Variants in SLC25A33 observed in about 807,000 individuals in gnomAD.
SLC25A33 encodes solute carrier family 25 member 33.
In SLC25A33, 15 loss-of-function variants were observed where a neutral mutation model predicts 35.5. The ratio of observed to expected loss-of-function variants is 0.42; its 90% confidence interval spans 0.28 to 0.65. SLC25A33 has a LOEUF of 0.65. SLC25A33 is among the 30% of genes least tolerant of loss of function. The probability of loss-of-function intolerance (pLI) is 0.20; values close to 1 mark genes in which losing one functional copy is unlikely to be tolerated. For missense variants in SLC25A33, 257 were observed against 398.5 expected (o/e 0.64, Z 3.02); for synonymous variants, 136 against 148.7 (o/e 0.91, Z 0.62).
At chr1:9,576,489 G>A in intron 5 of SLC25A33, 1 of 481,344 alleles carries the variant, frequency 2.1e-6, no homozygotes, top group Non-Finnish European at 4.1e-6. Context: ...TTACCCTGAA[G>A]AGATGCACAG....
intron 3 of SLC25A33, among the ~76,000 whole-genome samples, chr1:9,568,879 A>G (rs2100401414): frequency 6.6e-6 from 1 of 151,958 alleles, no homozygotes; most frequent in East Asian, 1.9e-4. Flanking sequence ...TCTTACAACA[A>G]AAATGAGAAT....
chr1:9,550,012 T>TATATA (rs55887722), intron 1 of SLC25A33, among the ~76,000 whole-genome samples: 15 of 33,816 alleles, frequency 4.4e-4, no homozygotes, highest in African/African-American at 1.1e-3. Flanking sequence ...TATATATATA[T>TATATA]TTTTTTTTTT....
chr1:9,551,694 A>T (rs1402612544), intron 1 of SLC25A33, among the ~76,000 whole-genome samples: 1 of 152,048 alleles, frequency 6.6e-6, no homozygotes, highest in Non-Finnish European at 1.5e-5. Context: ...AATGAGAAAG[A>T]CTTTTTTTTT....
intron 2 of SLC25A33, among the ~76,000 whole-genome samples, chr1:9,561,920 G>A (rs867843863): frequency 1.4e-4 from 21 of 152,038 alleles, no homozygotes; most frequent in South Asian, 2.1e-4. Flanking sequence ...CAGACAGCTC[G>A]ATCGTTTAAA....
intron 1 of SLC25A33, among the ~76,000 whole-genome samples, chr1:9,539,961 C>G (rs1481999719): frequency 1.3e-5 from 2 of 152,128 alleles, no homozygotes; most frequent in Admixed American, 6.5e-5. Flanking sequence ...ACCGCAGCCC[C>G]GAGGGCGGCT....
chr1:9,539,985 C>G (rs1453819750), intron 1 of SLC25A33, among the ~76,000 whole-genome samples: 1 of 152,174 alleles, frequency 6.6e-6, no homozygotes, highest in African/African-American at 2.4e-5. Context: ...CCCCGCCGCC[C>G]GTCCTCCCCG....
intron 2 of SLC25A33, among the ~76,000 whole-genome samples, chr1:9,562,641 G>C (rs1264073160): frequency 6.6e-6 from 1 of 152,036 alleles, no homozygotes; most frequent in Non-Finnish European, 1.5e-5. Context: ...GATCACTTGA[G>C]GTAGGGAGTT....
At position 9,582,136 on chromosome 1, in the gene SLC25A33, A is replaced by ATGG. The variant is rs1257501871; in HGVS notation, c.764-163_764-162insTGG. Among the ~76,000 whole-genome samples, 1 of 151,780 alleles carries ATGG rather than the reference A, an allele frequency of 6.6e-6. No individual in the cohort carries two copies. On this transcript the variant is annotated intron_variant, in intron 6 of 6. Coordinates refer to ENST00000302692, the MANE Select transcript of SLC25A33 (RefSeq NM_032315.3). This position sits in a 1 kb window ranked among gnomAD's most constrained non-coding sequence, Gnocchi z 4.0. ...ACCATGTTGGCCAGGCTGGTCTCCA[A>ATGG]CTCCTGGCCTCAAGTGATCCACCCG...
Position 9,567,157 on chromosome 1 carries a change from A to ACT in SLC25A33, c.237-127_237-126insCT, listed in dbSNP as rs1315484102. The stretch of plus-strand genomic sequence containing the variant: ...TTCTGTATTGTAACCAAATCAGATA[A>ACT]GAGTCGAGCTTGACATCTCTCAAAC... On this transcript the variant is annotated intron_variant, in intron 2 of 6. Coordinates refer to ENST00000302692, the MANE Select transcript of SLC25A33 (RefSeq NM_032315.3). The ACT allele has an allele frequency of 2.5e-5, 19 of 755,014 alleles. No individual in the cohort carries two copies. The African/African-American group carries it at 3.1e-4, about 12-fold the overall frequency. 46.8% of individuals were successfully genotyped at this position (755,014 alleles called of 1,614,324 possible).
At chr1:9,577,134 A>G (rs1370265419) in intron 5 of SLC25A33, 1 of 480,514 alleles carries the variant, frequency 2.1e-6, no homozygotes, top group African/African-American at 2.0e-5. Flanking sequence ...TTGGGCAGAG[A>G]GAAGGTGAGT....
intron 1 of SLC25A33, among the ~76,000 whole-genome samples, chr1:9,542,717 CTT>C (rs893950178): frequency 1.3e-4 from 20 of 152,224 alleles, no homozygotes; most frequent in African/African-American, 4.1e-4. Flanking sequence ...TCACATTTCT[CTT>C]GTTTATTGCA....
chr1:9,568,272 T>C (rs772363171), intron 3 of SLC25A33, among the ~76,000 whole-genome samples: 6 of 151,596 alleles, frequency 4.0e-5, no homozygotes, highest in South Asian at 2.1e-4. Flanking sequence ...CGAAACCCCA[T>C]CTCTACTAAA....
intron 1 of SLC25A33, among the ~76,000 whole-genome samples, chr1:9,545,944 C>T (rs1421908872): frequency 2.6e-5 from 4 of 151,330 alleles, no homozygotes; most frequent in African/African-American, 9.7e-5. Context: ...GCCTGGGCAA[C>T]AGAGCGAGAC....
chr1:9,579,193 G>T (rs755094899), intron 5 of SLC25A33, among the ~76,000 whole-genome samples: 1 of 152,200 alleles, frequency 6.6e-6, no homozygotes, highest in Non-Finnish European at 1.5e-5. Flanking sequence ...GTGACCAAAT[G>T]TGTAGGGGGT....
chr1:9,549,245 G>GA (rs1643224853), intron 1 of SLC25A33, among the ~76,000 whole-genome samples: 1 of 152,012 alleles, frequency 6.6e-6, no homozygotes, highest in Non-Finnish European at 1.5e-5. Context: ...CCAGAGGAAG[G>GA]AAAGGCACCT....
chr1:9,558,091 A>G (rs1384690067), intron 2 of SLC25A33, among the ~76,000 whole-genome samples: 1 of 152,180 alleles, frequency 6.6e-6, no homozygotes, highest in Non-Finnish European at 1.5e-5. Context: ...TCTATTTTAG[A>G]GAAGAGGACA....
At chr1:9,564,412 C>T (rs1349766616) in intron 2 of SLC25A33, among the ~76,000 whole-genome samples, 5 of 152,060 alleles carry the variant, frequency 3.3e-5, no homozygotes, top group Admixed American at 6.6e-5. Context: ...TCCAGCAATT[C>T]CACTTGGATT....
chr1:9,582,507 C>T lies in SLC25A33; in HGVS notation c.*6C>T, dbSNP rs369098929. On this transcript the variant is annotated 3_prime_UTR_variant, in exon 7 of 7. Transcript: ENST00000302692. This position sits in a 1 kb window ranked among gnomAD's most constrained non-coding sequence, Gnocchi z 4.0. Reference sequence around the variant, plus strand: ...TAGAAGACCGTACTCAGTAACAGGCCGGAAAATTGTGCTCTAGAAGAATAA... The same window carrying T: ...TAGAAGACCGTACTCAGTAACAGGCTGGAAAATTGTGCTCTAGAAGAATAA... The T allele has an allele frequency of 1.7e-4, 270 of 1,605,966 alleles. 1 individual carries two copies. The highest frequency in any genetic ancestry group is 3.3e-4 in the Middle Eastern group (2 of 6,060).
intron 5 of SLC25A33, among the ~76,000 whole-genome samples, chr1:9,574,270 T>C (rs1373372430): frequency 6.6e-6 from 1 of 152,094 alleles, no homozygotes; most frequent in African/African-American, 2.4e-5. Flanking sequence ...ATTTTGTTTT[T>C]CTTGTAGAGA....
Sources: allele counts gnomAD v4.1 joint callset (sites outside exome capture counted in the v4.1 genomes callset), GRCh38; gene constraint gnomAD v4.1.1; non-coding constraint Gnocchi (gnomAD v3.1); transcripts MANE v1.5; gene names NCBI Gene and HGNC (gene_info 2026-07-23, HGNC 2026-07-21).